The following LAMB4 variants were observed in gnomAD, a reference collection of about 807,000 sequenced individuals.
LAMB4 encodes the protein laminin subunit beta 4.
Under a neutral mutation model 199.2 loss-of-function variants are expected in LAMB4, and 196 were observed. That is an observed-to-expected ratio of 0.98 (90% CI 0.88 to 1.11). The LOEUF (loss-of-function observed/expected upper bound fraction) is 1.11. Ranked by LOEUF, LAMB4 falls within the 50% of genes least tolerant of loss-of-function variation. The probability of loss-of-function intolerance (pLI) is 0.00; values close to 1 mark genes in which losing one functional copy is unlikely to be tolerated. For synonymous variants in LAMB4, 744 were observed against 770.6 expected (o/e 0.97, Z 0.57); for missense variants, 2,080 against 2,171.2 (o/e 0.96, Z 0.83).
chr7:108,066,013 T>C, intron 20 of LAMB4, 94 bp from the exon 21 acceptor site: 2 of 1,199,566 alleles, frequency 1.7e-6, no homozygotes, highest in Non-Finnish European at 2.4e-6. Flanking sequence ...AGTGCACCTC[T>C]GAAAACTGAA....
intron 14 of LAMB4, among the ~76,000 whole-genome samples, chr7:108,085,591 T>C (rs1285802497): frequency 3.3e-5 from 5 of 152,178 alleles, no homozygotes; most frequent in African/African-American, 9.6e-5. Context: ...AAGCTCTGCA[T>C]TGTTATTTTT....
intron 23 of LAMB4, 192 bp downstream of exon 23, chr7:108,062,581 CT>C: frequency 2.6e-6 from 1 of 380,248 alleles, no homozygotes; most frequent in Non-Finnish European, 4.7e-6. Flanking sequence ...CGAAGCTGAA[CT>C]TTGAGATGCT....
intron 33 of LAMB4, among the ~76,000 whole-genome samples, chr7:108,028,092 A>G (rs2034900455): frequency 6.6e-6 from 1 of 151,832 alleles, no homozygotes; most frequent in Non-Finnish European, 1.5e-5. Flanking sequence ...CCGGTATTCC[A>G]TGTTTGCAAC....
intron 15 of LAMB4, among the ~76,000 whole-genome samples, chr7:108,078,930 C>CGT (rs750618390): frequency 2.0e-5 from 3 of 152,116 alleles, no homozygotes; most frequent in Admixed American, 6.5e-5. Flanking sequence ...TGTGATGCAC[C>CGT]GTGGGAGCCT....
chr7:108,104,427 T>C, intron 9 of LAMB4, 72 bp downstream of exon 9: 1 of 1,575,006 alleles, frequency 6.3e-7, no homozygotes, highest in Non-Finnish European at 8.6e-7. Flanking sequence ...CCCACAGAAG[T>C]GAACGAAGTG....
At chr7:108,040,556 A>C (rs2035387919) in intron 29 of LAMB4, among the ~76,000 whole-genome samples, 1 of 152,204 alleles carries the variant, frequency 6.6e-6, no homozygotes, top group Non-Finnish European at 1.5e-5. Flanking sequence ...TAGTACAAAA[A>C]ACAGACACAT....
chr7:108,123,391 C>T (rs1234182150), intron 1 of LAMB4, among the ~76,000 whole-genome samples, 194 bp from the exon 2 acceptor site: 2 of 152,068 alleles, frequency 1.3e-5, no homozygotes, highest in South Asian at 4.1e-4. Context: ...TTAATGTTTG[C>T]CATTTTTTGA....
At chr7:108,055,597 A>G in intron 25 of LAMB4, 35 bp downstream of exon 25, 1 of 1,579,622 alleles carries the variant, frequency 6.3e-7, no homozygotes, top group Non-Finnish European at 8.6e-7. Flanking sequence ...GTAAATCAGG[A>G]GTTTGGCTGT....
chr7:108,056,084 C>T (rs2035977353), intron 24 of LAMB4, 77 bp from the exon 25 acceptor site: 7 of 1,367,760 alleles, frequency 5.1e-6, no homozygotes, highest in Middle Eastern at 1.9e-4. Context: ...CAGGTCTTTT[C>T]CTCTCTCCTG....
At chr7:108,103,432 G>A (rs1166628710) in intron 9 of LAMB4, among the ~76,000 whole-genome samples, 200 bp from the exon 10 acceptor site, 2 of 152,164 alleles carry the variant, frequency 1.3e-5, no homozygotes, top group East Asian at 1.9e-4. Flanking sequence ...CTGCTCCTAC[G>A]CTTTCTATAA....
At chr7:108,087,616 A>T (rs991794430) in intron 14 of LAMB4, among the ~76,000 whole-genome samples, 14 of 152,184 alleles carry the variant, frequency 9.2e-5, no homozygotes, top group Non-Finnish European at 1.9e-4. Flanking sequence ...TCTGCCACTG[A>T]TGCCAGCACT....
intron 29 of LAMB4, among the ~76,000 whole-genome samples, chr7:108,043,249 T>C (rs2035484581): frequency 6.6e-6 from 1 of 152,146 alleles, no homozygotes; most frequent in Non-Finnish European, 1.5e-5. Flanking sequence ...ATATCATTTC[T>C]GTCAGCAAAG....
chr7:108,086,166 T>C (rs1390368349), intron 14 of LAMB4, among the ~76,000 whole-genome samples: 3 of 152,218 alleles, frequency 2.0e-5, no homozygotes, highest in Non-Finnish European at 4.4e-5. Context: ...GACTGACTGA[T>C]GCAGGAACGC....
At chr7:108,067,312 T>A (rs924722956) in intron 19 of LAMB4, among the ~76,000 whole-genome samples, 1 of 152,266 alleles carries the variant, frequency 6.6e-6, no homozygotes, top group African/African-American at 2.4e-5. Flanking sequence ...TGGATTATGA[T>A]TGAAAAGATA....
At chr7:108,067,448 A>G (rs977910223) in intron 19 of LAMB4, among the ~76,000 whole-genome samples, 9 of 152,272 alleles carry the variant, frequency 5.9e-5, no homozygotes, top group African/African-American at 2.2e-4. Flanking sequence ...ATACCTGAAC[A>G]TATTAGCCAT....
intron 29 of LAMB4, among the ~76,000 whole-genome samples, chr7:108,040,240 A>G (rs1198729524): frequency 1.3e-5 from 2 of 152,202 alleles, no homozygotes; most frequent in Non-Finnish European, 2.9e-5. Flanking sequence ...ACTACAAAAC[A>G]CTGCGCAAAG....
intron 12 of LAMB4, among the ~76,000 whole-genome samples, chr7:108,094,679 T>C (rs1584739761): frequency 6.6e-6 from 1 of 152,076 alleles, no homozygotes; most frequent in East Asian, 1.9e-4. Flanking sequence ...GCATTTCTTA[T>C]GGAGTGAATA....
chr7:108,039,163 G>A (rs1191616830), intron 29 of LAMB4, among the ~76,000 whole-genome samples: 2 of 152,144 alleles, frequency 1.3e-5, no homozygotes, highest in Non-Finnish European at 2.9e-5. Context: ...ACTCTTGGCA[G>A]GAGAGTAGTG....
At position 108,029,156 on chromosome 7, in the gene LAMB4, C is replaced by T. The variant is rs759897739; in HGVS notation, c.5033G>A (p.Arg1678His). The T allele has an allele frequency of 6.2e-6, 10 of 1,613,212 alleles. No individual in the cohort carries two copies. The highest frequency in any genetic ancestry group is 2.2e-5 in the South Asian group (2 of 90,776). ...TGTTAGTCCTGTAGTGCTTGTCTTA[C>T]GTTGGAGAATAGCATATTGTTTTTT... ...ELKKQYAILQ[R>H]KTSTTGLTKE... is the part of the protein sequence containing the mutation. The change falls in exon 33 of 34, where the codon CGT becomes CAT. Residue 1678 changes from arginine to histidine, a missense_variant. Coordinates refer to ENST00000388781, the MANE Select transcript of LAMB4 (RefSeq NM_007356.3).
Sources: gnomAD v4.1 joint callset for allele counts (sites outside exome capture counted in the v4.1 genomes callset) on GRCh38, gnomAD v4.1.1 for gene constraint, MANE v1.5 for transcripts, NCBI Gene and HGNC (gene_info 2026-07-23, HGNC 2026-07-21) for gene names.